Variants in GNAQ observed in about 807,000 individuals in gnomAD.
GNAQ encodes guanine nucleotide-binding protein G(q) subunit alpha.
In GNAQ, 8 loss-of-function variants were observed where a neutral mutation model predicts 43.9. That is an observed-to-expected ratio of 0.18 (90% CI 0.11 to 0.33). The LOEUF is 0.33. Ranked by LOEUF, GNAQ falls within the 10% of genes least tolerant of loss-of-function variation. GNAQ has a pLI of 1.00. For missense variants in GNAQ, 158 were observed against 450.8 expected (o/e 0.35, Z 5.88); for synonymous variants, 155 against 170.7 (o/e 0.91, Z 0.71).
At chr9:77,942,945 C>G (rs1010170818) in intron 1 of GNAQ, among the ~76,000 whole-genome samples, 1 of 152,146 alleles carries the variant, frequency 6.6e-6, no homozygotes, top group African/African-American at 2.4e-5. Context: ...CAATAATTAA[C>G]CAACTGGTTA....
At chr9:77,844,281 C>G (rs921583529) in intron 2 of GNAQ, among the ~76,000 whole-genome samples, 1 of 152,118 alleles carries the variant, frequency 6.6e-6, no homozygotes, top group African/African-American at 2.4e-5. Context: ...AGGACAAGAC[C>G]ACGTCAAATT....
intron 1 of GNAQ, among the ~76,000 whole-genome samples, chr9:77,971,333 G>T (rs954427173): frequency 6.6e-6 from 1 of 152,114 alleles, no homozygotes; most frequent in African/African-American, 2.4e-5. Flanking sequence ...CAAAAAAAGA[G>T]AATTTTAGGC....
chr9:77,971,870 G>C (rs181627610), intron 1 of GNAQ, among the ~76,000 whole-genome samples: 50 of 152,278 alleles, frequency 3.3e-4, no homozygotes, highest in African/African-American at 1.1e-3. Flanking sequence ...CACATCCCTT[G>C]TAAGTTGTAT....
chr9:77,722,143 T>TC (rs1825324924), intron 6 of GNAQ, among the ~76,000 whole-genome samples: 1 of 145,814 alleles, frequency 6.9e-6, no homozygotes, highest in African/African-American at 2.6e-5. Flanking sequence ...TTTCTTTTCT[T>TC]TTTTTTTTTT....
In GNAQ at chr9:78,029,370, CTTA is replaced by C. The variant is rs1458687269; in HGVS notation, c.136+1727_136+1729del. On this transcript the variant is annotated intron_variant, in intron 1 of 6. Coordinates refer to ENST00000286548, the MANE Select transcript of GNAQ (RefSeq NM_002072.5). ...CCCTTAATTATACACTTAAAACACT[CTTA>C]TTTCTTTTGTTCTTTATTTTCTTCT... Among the ~76,000 whole-genome samples, 3 of 151,668 alleles carry C rather than the reference CTTA, an allele frequency of 2.0e-5. No homozygotes were observed. In the East Asian group the frequency reaches 5.8e-4, roughly 29 times the overall value.
chr9:77,953,101 T>C lies in GNAQ; in HGVS notation c.137-30756A>G, dbSNP rs147962179. Among the ~76,000 whole-genome samples the C allele has an allele frequency of 1.1e-3, 162 of 152,264 alleles. 1 individual carries two copies. The highest frequency in any genetic ancestry group is 3.4e-3 in the African/African-American group (142 of 41,550). ...TGTGAAGCCTACTAGCTGGAAATCGTTGCTAACAATTTGGACGTGGAGAAA... is the reference window on the plus strand; with the variant it reads ...TGTGAAGCCTACTAGCTGGAAATCGCTGCTAACAATTTGGACGTGGAGAAA... On this transcript the variant is annotated intron_variant, in intron 1 of 6. Transcript: ENST00000286548.
At chr9:77,815,526 C>T in intron 3 of GNAQ, 90 bp downstream of exon 3, 7 of 814,322 alleles carry the variant, frequency 8.6e-6, no homozygotes. Context: ...ATGACATATA[C>T]AGGACAGAAT....
chr9:77,960,625 G>A (rs573132894), intron 1 of GNAQ, among the ~76,000 whole-genome samples: 16 of 152,172 alleles, frequency 1.1e-4, no homozygotes, highest in African/African-American at 3.6e-4. Context: ...CAGAGAGGGC[G>A]GAGTCTTTAG....
rs537985723 is a variant in GNAQ at position 77,776,040 on chromosome 9, T to C, written c.735+18423A>G. Among the ~76,000 whole-genome samples, 7 of 152,320 alleles carry C rather than the reference T, an allele frequency of 4.6e-5. No homozygotes were observed. The South Asian group carries it at 1.0e-3, about 23-fold the overall frequency. On this transcript the variant is annotated intron_variant, in intron 5 of 6. Coordinates refer to ENST00000286548, the MANE Select transcript of GNAQ (RefSeq NM_002072.5). ...TATCTTTCCACAAAAGTGGCAAAAA[T>C]TGTCAATATCAACTTTTTCAGATAT...
At chr9:77,897,656 A>T (rs1828525053) in intron 2 of GNAQ, among the ~76,000 whole-genome samples, 2 of 152,220 alleles carry the variant, frequency 1.3e-5, no homozygotes, top group South Asian at 4.1e-4. Context: ...ATTCTCATTA[A>T]GACTGTCTCC....
At chr9:77,972,051 G>C (rs1443794194) in intron 1 of GNAQ, among the ~76,000 whole-genome samples, 3 of 152,012 alleles carry the variant, frequency 2.0e-5, no homozygotes, top group African/African-American at 7.2e-5. Context: ...AGGAGATTTT[G>C]GGCTGAGATG....
At chr9:78,009,506 C>A (rs1039009041) in intron 1 of GNAQ, among the ~76,000 whole-genome samples, 14 of 152,166 alleles carry the variant, frequency 9.2e-5, no homozygotes, top group African/African-American at 3.4e-4. Context: ...TGGCTTCATG[C>A]CCATTAAGTA....
chr9:77,863,376 C>T (rs985749727), intron 2 of GNAQ, among the ~76,000 whole-genome samples: 1 of 152,188 alleles, frequency 6.6e-6, no homozygotes, highest in African/African-American at 2.4e-5. Flanking sequence ...GTCACCTTTG[C>T]TCCAGTTCCC....
chr9:77,753,202 C>T (rs1487893015), intron 5 of GNAQ, among the ~76,000 whole-genome samples: 1 of 151,788 alleles, frequency 6.6e-6, no homozygotes, highest in Non-Finnish European at 1.5e-5. Flanking sequence ...GGCTCAGACA[C>T]ATACCCGAGG....
intron 1 of GNAQ, among the ~76,000 whole-genome samples, chr9:77,936,549 C>T (rs1829234749): frequency 1.3e-5 from 2 of 152,190 alleles, no homozygotes; most frequent in African/African-American, 4.8e-5. Flanking sequence ...CAGTGCCTCA[C>T]ATAGACTGTA....
At chr9:77,783,360 T>C (rs967776095) in intron 5 of GNAQ, among the ~76,000 whole-genome samples, 12 of 152,256 alleles carry the variant, frequency 7.9e-5, no homozygotes, top group Non-Finnish European at 1.5e-4. Flanking sequence ...TGTACATTTC[T>C]GTGAACACAG....
In GNAQ at chr9:77,962,170, A is replaced by G. The variant is rs12338064; in HGVS notation, c.137-39825T>C. Among the ~76,000 whole-genome samples the G allele has an allele frequency of 6.1e-3, 931 of 152,308 alleles. 9 individuals carry two copies. The highest frequency in any genetic ancestry group is 0.02 in the African/African-American group (840 of 41,560). ...AAGACAGAAAAAAACGAGCAGTCTC[A>G]GTGTGGAACAAAATCGAGTTATCTA... On this transcript the variant is annotated intron_variant, in intron 1 of 6. Transcript: ENST00000286548.
At chr9:77,920,203 T>C (rs140489917) in intron 2 of GNAQ, among the ~76,000 whole-genome samples, 16 of 152,246 alleles carry the variant, frequency 1.1e-4, no homozygotes, top group African/African-American at 3.6e-4. Context: ...ATGTGTTACA[T>C]GAATAAGGCA....
At chr9:77,952,566 T>G (rs1822995489) in intron 1 of GNAQ, among the ~76,000 whole-genome samples, 1 of 152,206 alleles carries the variant, frequency 6.6e-6, no homozygotes, top group South Asian at 2.1e-4. Context: ...CTTAGAACAG[T>G]TAAGAAATGA....
Sources: allele counts gnomAD v4.1 joint callset (sites outside exome capture counted in the v4.1 genomes callset), GRCh38; gene constraint gnomAD v4.1.1; transcripts MANE v1.5; gene names NCBI Gene and HGNC (gene_info 2026-07-23, HGNC 2026-07-21).